The following ANKHD1 variants were observed in gnomAD, a reference collection of about 807,000 sequenced individuals.
ANKHD1 encodes ankyrin repeat and KH domain containing 1.
In ANKHD1, 31 loss-of-function variants were observed where a neutral mutation model predicts 230.5. The ratio of observed to expected loss-of-function variants is 0.13; its 90% confidence interval spans 0.10 to 0.18. ANKHD1 has a LOEUF of 0.18. ANKHD1 is among the 10% of genes least tolerant of loss of function. ANKHD1 has a pLI of 1.00. For synonymous variants in ANKHD1, 1,074 were observed against 1,117.6 expected, an observed-to-expected ratio of 0.96 and a Z score of 0.78; for missense variants, 2,256 against 3,071.3, an observed-to-expected ratio of 0.73 and a Z score of 6.27.
At chr5:140,450,937 G>A (rs1774686402) in intron 7 of ANKHD1, among the ~76,000 whole-genome samples, 1 of 152,034 alleles carries the variant, frequency 6.6e-6, no homozygotes, top group African/African-American at 2.4e-5. Context: ...TGGATCACTT[G>A]AGGCCAGGAC....
At chr5:140,500,665 A>AAAGAAAAG (rs1554092039) in intron 15 of ANKHD1, among the ~76,000 whole-genome samples, 6 of 115,496 alleles carry the variant, frequency 5.2e-5, no homozygotes, top group African/African-American at 1.9e-4. Flanking sequence ...AAAAAAAAAA[A>AAAGAAAAG]AAAAGAAAAG....
intron 1 of ANKHD1, among the ~76,000 whole-genome samples, chr5:140,418,565 TC>T (rs927841118): frequency 6.6e-5 from 10 of 152,198 alleles, no homozygotes; most frequent in African/African-American, 2.2e-4. Context: ...ATTCTCACCT[TC>T]CCCCAGCCCC....
At chr5:140,433,414 C>A (rs1244656315) in intron 1 of ANKHD1, among the ~76,000 whole-genome samples, 1 of 152,184 alleles carries the variant, frequency 6.6e-6, no homozygotes, top group Non-Finnish European at 1.5e-5. Flanking sequence ...AAATATACTT[C>A]CTCTTCTGCC....
At chr5:140,513,544 C>T in intron 24 of ANKHD1, 65 bp downstream of exon 24, 1 of 1,533,524 alleles carries the variant, frequency 6.5e-7, no homozygotes, top group African/African-American at 1.4e-5. Flanking sequence ...CACGGTGGCT[C>T]ACGCCTATGA....
chr5:140,419,902 C>T (rs539938005), intron 1 of ANKHD1, among the ~76,000 whole-genome samples: 1 of 55,586 alleles, frequency 1.8e-5, no homozygotes, highest in Admixed American at 2.3e-4. Flanking sequence ...TCCTTCCTTC[C>T]GTCTGTCCTT....
intron 7 of ANKHD1, among the ~76,000 whole-genome samples, chr5:140,457,516 A>G (rs955835672): frequency 6.6e-6 from 1 of 152,212 alleles, no homozygotes; most frequent in Non-Finnish European, 1.5e-5. Context: ...ATGGAATACT[A>G]TGCAGCCATA....
At chr5:140,432,944 C>T (rs1203211352) in intron 1 of ANKHD1, among the ~76,000 whole-genome samples, 1 of 151,774 alleles carries the variant, frequency 6.6e-6, no homozygotes, top group East Asian at 1.9e-4. Context: ...CTCAAATGAT[C>T]CCCCCCACCC....
At chr5:140,453,529 A>G (rs1047031036) in intron 7 of ANKHD1, among the ~76,000 whole-genome samples, 12 of 152,228 alleles carry the variant, frequency 7.9e-5, no homozygotes, top group Non-Finnish European at 1.6e-4. Context: ...CAGAAACTCT[A>G]CAAGCCAGAA....
chr5:140,493,602 G>C (rs1223407572), intron 14 of ANKHD1, among the ~76,000 whole-genome samples: 2 of 152,114 alleles, frequency 1.3e-5, no homozygotes, highest in Admixed American at 1.3e-4. Context: ...GACATTATCT[G>C]TTTTTCACCA....
intron 5 of ANKHD1, among the ~76,000 whole-genome samples, chr5:140,442,030 A>ATTTTTTTTTT (rs1561726990): frequency 7.4e-6 from 1 of 134,528 alleles, no homozygotes; most frequent in African/African-American, 2.8e-5. Context: ...CTAATAAGAT[A>ATTTTTTTTTT]TTCTTTTTTT....
chr5:140,406,604 G>T (rs1051868563), intron 1 of ANKHD1, among the ~76,000 whole-genome samples: 2 of 151,290 alleles, frequency 1.3e-5, no homozygotes, highest in African/African-American at 4.9e-5. Context: ...GCCCAGGCTG[G>T]CACGATCTTA....
intron 29 of ANKHD1, chr5:140,532,922 C>A (rs1363732733): frequency 6.6e-6 from 2 of 301,526 alleles, no homozygotes; most frequent in South Asian, 4.7e-5. Flanking sequence ...CATGGGGAAA[C>A]CCCCGTCTCT....
At chr5:140,499,988 C>T (rs1752211531) in intron 15 of ANKHD1, among the ~76,000 whole-genome samples, 1 of 151,784 alleles carries the variant, frequency 6.6e-6, no homozygotes, top group African/African-American at 2.4e-5. Context: ...CCTGCCTCAG[C>T]ATTCCGAGTA....
rs1752571447 is a variant in ANKHD1 at position 140,507,093 on chromosome 5, A to C, written c.3551+116A>C. The C allele has an allele frequency of 7.0e-7, 1 of 1,431,242 alleles. No individual in the cohort carries two copies. Among genetic ancestry groups the C allele is most frequent in the Admixed American group, 2.4e-5 (1 of 42,458 alleles). The allele number at this position is 1,431,242 out of a possible 1,614,324, so 88.7% of individuals were successfully genotyped here. On this transcript the variant is annotated intron_variant, in intron 19 of 33. Coordinates refer to ENST00000360839, the MANE Select transcript of ANKHD1 (RefSeq NM_017747.3). This position sits in a 1 kb window ranked among gnomAD's most constrained non-coding sequence, Gnocchi z 4.1. The stretch of plus-strand genomic sequence containing the variant: ...AAATTAAGATAGTACTAAAGTTGCA[A>C]AGCCAACGATTATACCTATAATGTG...
At position 140,538,104 on chromosome 5, in the gene ANKHD1, C is replaced by T. The variant is rs952527056; in HGVS notation, c.7247C>T (p.Ser2416Leu). ...NAVSEGLSGW[S>L]QSVMGNHPMH... ...TTTCCAGAAGGCTTATCAGGTTGGT[C>T]GCAATCTGTGATGGGGAACCATCCA... The change falls in exon 32 of 34, where the codon TCG becomes TTG. Residue 2416 changes from serine to leucine, a missense_variant. This residue lies in a region of ANKHD1 where 778 missense variants were observed against 966.5 expected (regional missense o/e 0.80). Coordinates refer to ENST00000360839, the MANE Select transcript of ANKHD1 (RefSeq NM_017747.3). The T allele has an allele frequency of 2.5e-6, 4 of 1,611,814 alleles. No individual in the cohort carries two copies. The highest frequency in any genetic ancestry group is 2.7e-5 in the African/African-American group (2 of 74,832).
intron 29 of ANKHD1, 22 bp downstream of exon 29, chr5:140,529,818 C>T: frequency 6.2e-7 from 1 of 1,608,028 alleles, no homozygotes; most frequent in Non-Finnish European, 8.5e-7. Flanking sequence ...ACTATTGCTG[C>T]AGTTGAGTTT....
intron 26 of ANKHD1, 50 bp downstream of exon 26, chr5:140,526,493 C>A: frequency 6.5e-7 from 1 of 1,541,686 alleles, no homozygotes; most frequent in Non-Finnish European, 8.7e-7. Flanking sequence ...CTTCTTCATG[C>A]CTGGTACAAG....
intron 6 of ANKHD1, 141 bp downstream of exon 6, chr5:140,446,116 A>G (rs981416936): frequency 2.3e-6 from 2 of 862,646 alleles, no homozygotes; most frequent in Non-Finnish European, 3.2e-6. Flanking sequence ...AATTATATAG[A>G]AAGTCTATTT....
At chr5:140,409,864 A>C (rs960962546) in intron 1 of ANKHD1, among the ~76,000 whole-genome samples, 1 of 152,124 alleles carries the variant, frequency 6.6e-6, no homozygotes, top group African/African-American at 2.4e-5. Flanking sequence ...AATTTTTTGT[A>C]TGTTGCACAA....
Sources: allele counts gnomAD v4.1 joint callset (sites outside exome capture counted in the v4.1 genomes callset), GRCh38; gene constraint gnomAD v4.1.1; regional missense constraint gnomAD v4.1.1; non-coding constraint Gnocchi (gnomAD v3.1); transcripts MANE v1.5; gene names NCBI Gene and HGNC (gene_info 2026-07-23, HGNC 2026-07-21).